The following OSR1 variants were observed in gnomAD, a reference collection of about 807,000 sequenced individuals.
The protein encoded by OSR1 is odd-skipped related transcription factor 1.
OSR1 carries 3 observed loss-of-function variants against 15.7 expected under a neutral mutation model. The ratio of observed to expected loss-of-function variants is 0.19; its 90% CI spans 0.09 to 0.50. The LOEUF (loss-of-function observed/expected upper bound fraction) is 0.50, where lower values mean the gene tolerates loss of function less well. OSR1 is among the 20% of genes least tolerant of loss of function. The pLI, the probability that OSR1 is intolerant of heterozygous loss-of-function variation, is 0.97. For synonymous variants in OSR1, 166 were observed against 152.7 expected (o/e 1.09, Z -0.64); for missense variants, 271 against 351.1 (o/e 0.77, Z 1.82).
rs1664979814 is a variant in OSR1, at chr2:19,357,744, T to C, written c.-33+597A>G. ...CAGAGCAATCATCCTATGGAGAATA[T>C]CCCTAAGTTAGAGCGCGAGTGCAAG... On this transcript the variant is annotated intron_variant, in intron 1 of 2. Coordinates refer to ENST00000272223, the MANE Select transcript of OSR1 (RefSeq NM_145260.3). The surrounding 1 kb of genome is among the most constrained non-coding windows in gnomAD (Gnocchi z 5.0). 1 of 152,156 alleles carries C rather than the reference T, an allele frequency of 6.6e-6. No homozygotes were observed. Among genetic ancestry groups the C allele is most frequent in the African/African-American group, 2.4e-5 (1 of 41,422 alleles). The allele number at this position is 152,156 out of a possible 1,614,324, so 9.4% of individuals were successfully genotyped here.
chr2:19,346,367 C>G, the OSR1 span, among the ~76,000 whole-genome samples: 1 of 152,196 alleles, frequency 6.6e-6, no homozygotes, highest in Non-Finnish European at 1.5e-5. Flanking sequence ...AGCAAATTGC[C>G]AGGACTGGGT....
downstream of OSR1, among the ~76,000 whole-genome samples, chr2:19,347,833 C>A (rs1664758120): frequency 1.3e-5 from 2 of 152,256 alleles, no homozygotes; most frequent in South Asian, 4.1e-4. Flanking sequence ...AAGTCAAGGG[C>A]TCCAGCCCGC....
In OSR1 at chr2:19,353,514, G is replaced by A. The variant is rs764299282; in HGVS notation, c.292C>T (p.Pro98Ser). Residue 98 changes from proline (P) to serine (S), a missense_variant, in exon 2 of 3, where the codon CCC (proline) becomes TCC (serine). Around this residue, in one of 4 missense-constraint regions of OSR1, gnomAD observed 210 missense variants for 218.4 expected, o/e 0.96. Coordinates refer to ENST00000272223, the MANE Select transcript of OSR1 (RefSeq NM_145260.3). ...AFPWFPHVIQ[P>S]KPEITAGGSV... is the part of the protein sequence containing the mutation. ...CCTCCAGCGGTGATCTCGGGCTTGG[G>A]TTGAATGACATGAGGGAACCAGGGA... The A allele has an allele frequency of 1.2e-6, 2 of 1,614,204 alleles. No homozygotes were observed. Among genetic ancestry groups the A allele is most frequent in the Admixed American group, 1.7e-5 (1 of 60,026 alleles).
chr2:19,348,937 T>C (rs1664786345), downstream of OSR1, among the ~76,000 whole-genome samples: 1 of 152,178 alleles, frequency 6.6e-6, no homozygotes, highest in South Asian at 2.1e-4. Flanking sequence ...GCCTAGCAGC[T>C]TTGAGAAGGG....
chr2:19,354,754 A>G (rs1035508964), intron 1 of OSR1: 5 of 152,250 alleles, frequency 3.3e-5, no homozygotes, highest in Non-Finnish European at 7.3e-5. Flanking sequence ...AACTGCAGTC[A>G]CAAACAAGGG....
At chr2:19,353,095 G>A in intron 2 of OSR1, 46 bp downstream of exon 2, 1 of 1,596,054 alleles carries the variant, frequency 6.3e-7, no homozygotes, top group Non-Finnish European at 8.6e-7. Flanking sequence ...AAGATGGTGA[G>A]GCCAGAGGCA....
intron 2 of OSR1, among the ~76,000 whole-genome samples, chr2:19,352,781 A>T (rs971996141): frequency 6.6e-6 from 1 of 152,232 alleles, no homozygotes; most frequent in African/African-American, 2.4e-5. Flanking sequence ...TATTAAAATT[A>T]AAATTACTTA....
At chr2:19,348,360 C>CG (rs903405466), downstream of OSR1, 8 of 154,608 alleles carry the variant, frequency 5.2e-5, no homozygotes, top group East Asian at 7.8e-4. Context: ...TAGCCCGAGG[C>CG]GGGGCCCATC....
rs957319999 is a variant in OSR1, at chr2:19,356,858, G to T, written c.-33+1483C>A. 5 of 152,414 alleles carry T rather than the reference G, an allele frequency of 3.3e-5. No homozygotes were observed. The East Asian group carries it at 9.6e-4, about 29-fold the overall frequency. 9.4% of individuals were successfully genotyped at this position (152,414 alleles called of 1,614,324 possible). ...CCTATGCTGGGCATTAATGAAGTGTGCAGAGTCTATTAAAGTGGTTTATTC... is the reference window on the plus strand; with the variant it reads ...CCTATGCTGGGCATTAATGAAGTGTTCAGAGTCTATTAAAGTGGTTTATTC... On this transcript the variant is annotated intron_variant, in intron 1 of 2. Transcript: ENST00000272223.
rs1297384433 is a variant in OSR1, at chr2:19,353,721, C to T, written c.85G>A (p.Gly29Ser). 4 of 1,614,058 alleles carry T rather than the reference C, an allele frequency of 2.5e-6. No individual in the cohort carries two copies. The highest frequency in any genetic ancestry group is 2.2e-5 in the East Asian group (1 of 44,866). ...TNYSFLQAVN[G>S]LPTVPSDHLP... is the part of the protein sequence containing the mutation. Reference sequence around the variant, plus strand: ...TGGTCCGAAGGCACTGTGGGCAGGCCGTTCACTGCCTGAAGGAAGGAGTAG... The same window carrying T: ...TGGTCCGAAGGCACTGTGGGCAGGCTGTTCACTGCCTGAAGGAAGGAGTAG... The change falls in exon 2 of 3, where the codon GGC becomes AGC. Residue 29 changes from glycine to serine, a missense_variant. By Grantham distance (56) the Gly-to-Ser change is moderately conservative. Transcript: ENST00000272223.
Position 19,357,375 on chromosome 2 carries a change from T to A in OSR1, c.-33+966A>T, listed in dbSNP as rs1458152837. On this transcript the variant is annotated intron_variant, in intron 1 of 2. Coordinates refer to ENST00000272223, the MANE Select transcript of OSR1 (RefSeq NM_145260.3). This position sits in a 1 kb window ranked among gnomAD's most constrained non-coding sequence, Gnocchi z 5.0. Reference sequence around the variant, plus strand: ...CCAAATTGTGGCAACAAAGAAACCCTTGCGGCTACTTTACACATTGAGAAC... The same window carrying A: ...CCAAATTGTGGCAACAAAGAAACCCATGCGGCTACTTTACACATTGAGAAC... Among the ~76,000 whole-genome samples, 1 of 152,216 alleles carries A rather than the reference T, an allele frequency of 6.6e-6. No individual in the cohort carries two copies. Among genetic ancestry groups the A allele is most frequent in the African/African-American group, 2.4e-5 (1 of 41,464 alleles).
At chr2:19,348,137 G>C (rs1334317303), downstream of OSR1, among the ~76,000 whole-genome samples, 1 of 152,112 alleles carries the variant, frequency 6.6e-6, no homozygotes, top group African/African-American at 2.4e-5. Flanking sequence ...TGAGTACGCC[G>C]CGGCAACTGC....
chr2:19,348,030 C>T (rs115155996), downstream of OSR1, among the ~76,000 whole-genome samples: 933 of 152,366 alleles, frequency 6.1e-3, 15 homozygotes, highest in African/African-American at 0.02. Flanking sequence ...CACTGGCCTG[C>T]GAGTTCCTTT....
downstream of OSR1, among the ~76,000 whole-genome samples, chr2:19,350,363 TC>T: frequency 6.6e-6 from 1 of 152,246 alleles, no homozygotes; most frequent in East Asian, 1.9e-4. Context: ...CCAGTTGGGT[TC>T]CCGGGCCTCG....
chr2:19,346,089 C>T, the OSR1 span, among the ~76,000 whole-genome samples: 2 of 152,296 alleles, frequency 1.3e-5, no homozygotes, highest in African/African-American at 4.8e-5. Context: ...GAAAGAAATC[C>T]ACCCCTTCCC....
chr2:19,356,311 A>AT (rs1179455502), intron 1 of OSR1: 1 of 152,234 alleles, frequency 6.6e-6, no homozygotes, highest in East Asian at 1.9e-4. Context: ...TTTCCGGGCT[A>AT]TCTGCCCGAT....
At chr2:19,350,138 G>A (rs2103357597), downstream of OSR1, among the ~76,000 whole-genome samples, 1 of 152,338 alleles carries the variant, frequency 6.6e-6, no homozygotes, top group South Asian at 2.1e-4. Flanking sequence ...ACCAGACTCA[G>A]CAGCGCCCTG....
the OSR1 span, among the ~76,000 whole-genome samples, chr2:19,345,676 T>C: frequency 6.6e-6 from 1 of 152,186 alleles, no homozygotes; most frequent in Non-Finnish European, 1.5e-5. Context: ...TGCTCAACTA[T>C]TTCAGTGTCC....
chr2:19,347,514 C>G (rs539233484), downstream of OSR1, among the ~76,000 whole-genome samples: 43 of 152,340 alleles, frequency 2.8e-4, no homozygotes, highest in African/African-American at 9.9e-4. Context: ...CTGCCACTGA[C>G]ATGAGATTTG....
Sources: gnomAD v4.1 joint callset for allele counts (sites outside exome capture counted in the v4.1 genomes callset) on GRCh38, gnomAD v4.1.1 for gene constraint, gnomAD v4.1.1 regional missense constraint, Gnocchi (gnomAD v3.1) non-coding constraint, MANE v1.5 for transcripts, NCBI Gene and HGNC (gene_info 2026-07-23, HGNC 2026-07-21) for gene names.